Variants in ST18 observed in about 807,000 individuals in gnomAD.
The protein encoded by ST18 is suppression of tumorigenicity 18 protein.
A neutral mutation model predicts 110.0 loss-of-function variants in ST18; 50 were observed. The ratio of observed to expected loss-of-function variants is 0.45; its 90% CI spans 0.36 to 0.58. ST18 has a LOEUF of 0.58. Among genes scored for constraint, ST18 ranks in the 20% least tolerant of loss-of-function variants. The pLI is 0.00. For synonymous variants in ST18, 461 were observed against 452.4 expected (o/e 1.02, Z -0.24); for missense variants, 1,306 against 1,280.1 (o/e 1.02, Z -0.31).
chr8:52,397,326 G>T (rs1380424342), intron 2 of ST18, among the ~76,000 whole-genome samples: 1 of 152,052 alleles, frequency 6.6e-6, no homozygotes, highest in Non-Finnish European at 1.5e-5. Flanking sequence ...TTTACATTGG[G>T]TTATGTTTTT....
At chr8:52,257,431 C>T (rs1160768655) in intron 2 of ST18, among the ~76,000 whole-genome samples, 1 of 152,084 alleles carries the variant, frequency 6.6e-6, no homozygotes, top group Non-Finnish European at 1.5e-5. Flanking sequence ...TTCTCTCTAT[C>T]CTCACCAACA....
At chr8:52,121,771 A>G (rs1251635596) in intron 23 of ST18, among the ~76,000 whole-genome samples, 2 of 152,194 alleles carry the variant, frequency 1.3e-5, no homozygotes, top group Non-Finnish European at 2.9e-5. Context: ...GTTTACAGAC[A>G]TACTTCTAGT....
chr8:52,168,527 GGGGCAT>G (rs1186906382), intron 10 of ST18, among the ~76,000 whole-genome samples: 2 of 152,054 alleles, frequency 1.3e-5, no homozygotes, highest in Admixed American at 1.3e-4. Flanking sequence ...CAATTATATG[GGGGCAT>G]GGATTCAGCA....
chr8:52,283,459 G>A (rs1466296972), intron 2 of ST18, among the ~76,000 whole-genome samples: 1 of 152,172 alleles, frequency 6.6e-6, no homozygotes, highest in Non-Finnish European at 1.5e-5. Context: ...AAAGATAATT[G>A]AGAAGGAAGG....
At chr8:52,300,310 A>C (rs2095698981) in intron 2 of ST18, among the ~76,000 whole-genome samples, 3 of 152,162 alleles carry the variant, frequency 2.0e-5, no homozygotes. Context: ...ATACTCGAAC[A>C]CTCATGGAAC....
At chr8:52,378,507 G>A (rs565380419) in intron 2 of ST18, among the ~76,000 whole-genome samples, 3 of 152,236 alleles carry the variant, frequency 2.0e-5, no homozygotes, top group South Asian at 4.1e-4. Context: ...TGAAAATAAC[G>A]TGTTTTAATG....
chr8:52,389,207 C>T (rs1042211131), intron 2 of ST18, among the ~76,000 whole-genome samples: 3 of 152,126 alleles, frequency 2.0e-5, no homozygotes, highest in Non-Finnish European at 4.4e-5. Context: ...GCGCGGAGGG[C>T]TCCAGCAAGG....
Position 52,172,317 on chromosome 8 carries a change from AATC to A in ST18, c.541_543del (p.Asp181del). The A allele has an allele frequency of 6.2e-7, 1 of 1,614,198 alleles. No homozygotes were observed. Among genetic ancestry groups the A allele is most frequent in the Admixed American group, 1.7e-5 (1 of 60,016 alleles). On this transcript the variant is annotated inframe_deletion, in exon 10 of 26. Coordinates refer to ENST00000689386, the MANE Select transcript of ST18 (RefSeq NM_001352837.2). ...TCAGAGGAGCAGAAGGGTGGCTGAG[AATC>A]ATCAATCTTGTCTCTTCCATCATCA...
intron 2 of ST18, among the ~76,000 whole-genome samples, chr8:52,250,541 T>A (rs1285372839): frequency 2.0e-5 from 3 of 147,868 alleles, no homozygotes; most frequent in African/African-American, 7.5e-5. Flanking sequence ...TAAACCCTGA[T>A]TCTTAACCCA....
chr8:52,379,094 TTTTCTTTC>T (rs1303258081), intron 2 of ST18, among the ~76,000 whole-genome samples: 2 of 24,646 alleles, frequency 8.1e-5, no homozygotes, highest in East Asian at 5.3e-3. Flanking sequence ...AATCTATTTC[TTTTCTTTC>T]TTTTTTTTTT....
intron 2 of ST18, among the ~76,000 whole-genome samples, chr8:52,251,278 A>C (rs1158505385): frequency 6.6e-6 from 1 of 152,160 alleles, no homozygotes; most frequent in African/African-American, 2.4e-5. Flanking sequence ...ACTTACCTCA[A>C]TATTTCAACA....
intron 2 of ST18, among the ~76,000 whole-genome samples, chr8:52,368,025 T>A (rs1387280954): frequency 6.6e-6 from 1 of 152,180 alleles, no homozygotes; most frequent in Non-Finnish European, 1.5e-5. Context: ...TAAGATAGGG[T>A]CTTGTCTATT....
chr8:52,209,810 T>C (rs886205909), intron 8 of ST18, among the ~76,000 whole-genome samples: 2 of 140,560 alleles, frequency 1.4e-5, no homozygotes, highest in African/African-American at 2.6e-5. Context: ...TATATATATA[T>C]ACATGCTTAT....
intron 3 of ST18, among the ~76,000 whole-genome samples, chr8:52,222,494 T>C (rs1052993353): frequency 2.0e-5 from 3 of 152,200 alleles, no homozygotes; most frequent in African/African-American, 7.2e-5. Context: ...GCAGCACAGC[T>C]GAGATCGGCT....
At chr8:52,121,307 G>GT (rs2044717757) in intron 23 of ST18, among the ~76,000 whole-genome samples, 1 of 152,146 alleles carries the variant, frequency 6.6e-6, no homozygotes, top group Admixed American at 6.5e-5. Flanking sequence ...GATCTAATAC[G>GT]TAACAGGCTC....
At chr8:52,251,460 C>T (rs1243201375) in intron 2 of ST18, among the ~76,000 whole-genome samples, 1 of 152,010 alleles carries the variant, frequency 6.6e-6, no homozygotes, top group African/African-American at 2.4e-5. Context: ...TTTCTAATGC[C>T]TGGAGTTTCT....
chr8:52,168,118 G>C (rs1333486055), intron 10 of ST18, among the ~76,000 whole-genome samples: 1 of 151,190 alleles, frequency 6.6e-6, no homozygotes, highest in African/African-American at 2.4e-5. Flanking sequence ...CATGGGGAGA[G>C]CCTGTCCCAC....
intron 6 of ST18, among the ~76,000 whole-genome samples, chr8:52,214,556 T>C (rs1253215990): frequency 1.3e-5 from 2 of 152,182 alleles, no homozygotes; most frequent in East Asian, 3.9e-4. Context: ...AAGGCTCATC[T>C]CATTAACAGT....
chr8:52,115,066 T>C (rs2042059423), intron 25 of ST18, among the ~76,000 whole-genome samples: 1 of 152,194 alleles, frequency 6.6e-6, no homozygotes, highest in Non-Finnish European at 1.5e-5. Flanking sequence ...TTTATTTTGC[T>C]TTGTGTTCAT....
Sources: gnomAD v4.1 joint callset for allele counts (sites outside exome capture counted in the v4.1 genomes callset) on GRCh38, gnomAD v4.1.1 for gene constraint, MANE v1.5 for transcripts, NCBI Gene and HGNC (gene_info 2026-07-23, HGNC 2026-07-21) for gene names.